DIS3L: variants seen among roughly 807,000 people sequenced by gnomAD.
DIS3L encodes the protein DIS3 like exosome 3'-5' exoribonuclease.
Under a neutral mutation model 120.3 loss-of-function variants are expected in DIS3L, and 100 were observed. The observed-to-expected ratio is 0.83, with a 90% confidence interval of 0.71 to 0.98. DIS3L has a LOEUF of 0.98. Among genes scored for constraint, DIS3L ranks in the 50% least tolerant of loss-of-function variants. The pLI is 0.00. For missense variants in DIS3L, 1,196 were observed against 1,314.2 expected (o/e 0.91, Z 1.39); for synonymous variants, 426 against 470.6 (o/e 0.91, Z 1.23).
chr15:66,325,195 G>A (rs1410790121), intron 11 of DIS3L, among the ~76,000 whole-genome samples: 1 of 152,112 alleles, frequency 6.6e-6, no homozygotes, highest in African/African-American at 2.4e-5. Context: ...GGAGTTTGAG[G>A]CCAGCCTGGG....
chr15:66,321,009 A>C (rs1372534181), intron 9 of DIS3L, among the ~76,000 whole-genome samples: 1 of 152,192 alleles, frequency 6.6e-6, no homozygotes, highest in Non-Finnish European at 1.5e-5. Flanking sequence ...GTCAGTATAC[A>C]TCCATCCCCA....
At chr15:66,332,166 G>A (rs1683025840) in intron 15 of DIS3L, 146 bp downstream of exon 15, 2 of 897,482 alleles carry the variant, frequency 2.2e-6, no homozygotes, top group Admixed American at 3.7e-5. Context: ...GTATATAAAT[G>A]TGAAGATTGG....
Position 66,295,065 on chromosome 15 carries a change from C to T in DIS3L, c.217C>T (p.Leu73Phe), listed in dbSNP as rs1566931157. 1 of 1,614,124 alleles carries T rather than the reference C, an allele frequency of 6.2e-7. No homozygotes were observed. The highest frequency in any genetic ancestry group is 8.5e-7 in the Non-Finnish European group (1 of 1,180,006). The stretch of plus-strand genomic sequence containing the variant: ...AGTTGTTCAAGATTATCTTGAGATC[C>T]TTGAGTTTCCTGAGTTGAAGGGAAT... ...WKVVQDYLEI[L>F]EFPELKGIIF... is the part of the protein sequence containing the mutation. The change falls in exon 2 of 17, where the codon CTT (leucine) becomes TTT (phenylalanine). Residue 73 changes from leucine (L) to phenylalanine (F), a missense_variant. Leu to Phe is a conservative substitution (Grantham distance 22). Coordinates refer to ENST00000319212, the MANE Select transcript of DIS3L (RefSeq NM_001143688.3).
chr15:66,320,848 C>G (rs932317203), intron 9 of DIS3L, 116 bp downstream of exon 9: 4 of 1,258,734 alleles, frequency 3.2e-6, no homozygotes, highest in Non-Finnish European at 4.3e-6. Context: ...TGTGAAGGCA[C>G]AGATAATGGA....
At chr15:66,304,903 A>C (rs1240415499) in intron 2 of DIS3L, among the ~76,000 whole-genome samples, 1 of 141,726 alleles carries the variant, frequency 7.1e-6, no homozygotes, top group East Asian at 2.2e-4. Flanking sequence ...TCCGTCTCAA[A>C]AAAAAAAAAA....
Position 66,306,883 on chromosome 15 carries a change from C to T in DIS3L, c.353C>T (p.Ala118Val), listed in dbSNP as rs2092707831. The change falls in exon 3 of 17, where the codon GCT becomes GTT. Residue 118 changes from alanine to valine, a missense_variant. Coordinates refer to ENST00000319212, the MANE Select transcript of DIS3L (RefSeq NM_001143688.3). ...GCGCGTCATGATTGCATTCTCTTTG[C>T]TAATGAATTCCAGCAATGCTGCTAT... ...KDARHDCILF[A>V]NEFQQCCYLP... 1 of 1,614,060 alleles carries T rather than the reference C, an allele frequency of 6.2e-7. No homozygotes were observed. The highest frequency in any genetic ancestry group is 1.7e-5 in the Admixed American group (1 of 59,990).
At chr15:66,294,702 G>C (rs1183223930) in intron 1 of DIS3L, among the ~76,000 whole-genome samples, 2 of 152,166 alleles carry the variant, frequency 1.3e-5, no homozygotes, top group Non-Finnish European at 2.9e-5. Context: ...GAAATATTCA[G>C]GTTATGCTGA....
chr15:66,332,255 G>A (rs1051954506), intron 15 of DIS3L, among the ~76,000 whole-genome samples: 5 of 152,044 alleles, frequency 3.3e-5, no homozygotes, highest in South Asian at 2.1e-4. Flanking sequence ...TCAGGAGTTC[G>A]AGACCAGCCT....
chr15:66,295,050 G>A lies in DIS3L; in HGVS notation c.202G>A (p.Asp68Asn), dbSNP rs2092570976. The change falls in exon 2 of 17, where the codon GAT becomes AAT. Residue 68 changes from aspartate (D) to asparagine (N), a missense_variant. Asp to Asn is a conservative substitution (Grantham distance 23). Transcript: ENST00000319212. Reference protein sequence around the residue: ...YVIPDWKVVQDYLEILEFPEL... With the variant: ...YVIPDWKVVQNYLEILEFPEL... ...GATCCCAGACTGGAAAGTTGTTCAA[G>A]ATTATCTTGAGATCCTTGAGTTTCC... 6.8e-6 allele frequency: 11 copies of A among 1,614,152 alleles called. No individual in the cohort carries two copies. The highest frequency in any genetic ancestry group is 1.3e-5 in the African/African-American group (1 of 75,038).
intron 8 of DIS3L, 70 bp downstream of exon 8, chr15:66,318,688 A>G: frequency 1.4e-6 from 2 of 1,472,924 alleles, no homozygotes; most frequent in East Asian, 4.6e-5. Flanking sequence ...GCTTTTTAGC[A>G]GTACCAGAAA....
intron 2 of DIS3L, among the ~76,000 whole-genome samples, chr15:66,295,836 T>C (rs1453951000): frequency 6.6e-6 from 1 of 152,240 alleles, no homozygotes; most frequent in African/African-American, 2.4e-5. Flanking sequence ...ATATTAGAAT[T>C]ATACGTCCAA....
At chr15:66,308,266 C>A (rs993496499) in intron 3 of DIS3L, among the ~76,000 whole-genome samples, 50 of 152,326 alleles carry the variant, frequency 3.3e-4, no homozygotes, top group African/African-American at 1.1e-3. Flanking sequence ...GATTTCCAGG[C>A]ATTCCATATG....
At chr15:66,294,946 G>C (rs1204175077) in intron 1 of DIS3L, 42 bp from the exon 2 acceptor site, 2 of 1,545,056 alleles carry the variant, frequency 1.3e-6, no homozygotes, top group East Asian at 2.4e-5. Flanking sequence ...AACCAGGTTT[G>C]AAAACATTGT....
At chr15:66,306,034 G>C (rs1207081605) in intron 2 of DIS3L, among the ~76,000 whole-genome samples, 1 of 152,074 alleles carries the variant, frequency 6.6e-6, no homozygotes, top group African/African-American at 2.4e-5. Flanking sequence ...GTGTAACCTA[G>C]GCTGGAATGT....
At position 66,331,871 on chromosome 15, in the gene DIS3L, A is replaced by C. The variant is rs780120805; in HGVS notation, c.2536-4A>C. 3 of 1,573,586 alleles carry C rather than the reference A, an allele frequency of 1.9e-6. No individual in the cohort carries two copies. Among genetic ancestry groups the C allele is most frequent in the Non-Finnish European group, 2.6e-6 (3 of 1,160,996 alleles). Reference sequence around the variant, plus strand: ...AAAATGCTTTGGAGTTGTGCTTCTTACAGGCAGCACAGCATTCTCAGAAGC... The same window carrying C: ...AAAATGCTTTGGAGTTGTGCTTCTTCCAGGCAGCACAGCATTCTCAGAAGC... On this transcript the variant is annotated splice_polypyrimidine_tract_variant and splice_region_variant and intron_variant, in intron 14 of 16. Coordinates refer to ENST00000319212, the MANE Select transcript of DIS3L (RefSeq NM_001143688.3).
chr15:66,327,560 A>T (rs959870574), intron 12 of DIS3L, among the ~76,000 whole-genome samples: 11 of 151,730 alleles, frequency 7.2e-5, no homozygotes, highest in Admixed American at 4.6e-4. Context: ...GATCGAGACC[A>T]TTCTGGCTAA....
At position 66,329,242 on chromosome 15, in the gene DIS3L, C is replaced by A; in HGVS notation, c.2378C>A (p.Thr793Asn). ...HHYGLALDKY[T>N]HFTSPIRRYS... Reference sequence around the variant, plus strand: ...GAAGGTCTTGCATTAGATAAATATACCCACTTTACTTCTCCAATAAGAAGA... The same window carrying A: ...GAAGGTCTTGCATTAGATAAATATAACCACTTTACTTCTCCAATAAGAAGA... Residue 793 changes from threonine (T) to asparagine (N), a missense_variant, in exon 14 of 17, where the codon ACC (threonine) becomes AAC (asparagine). By Grantham distance (65) the Thr-to-Asn change is moderately conservative (BLOSUM62 0). Transcript: ENST00000319212. 6.2e-7 allele frequency: 1 copy of A among 1,604,534 alleles called. No homozygotes were observed. The highest frequency in any genetic ancestry group is 8.5e-7 in the Non-Finnish European group (1 of 1,175,882).
Position 66,333,386 on chromosome 15 carries a change from GTC to G in DIS3L, c.*75_*76del, listed in dbSNP as rs2093023991. On this transcript the variant is annotated 3_prime_UTR_variant, in exon 17 of 17. Coordinates refer to ENST00000319212, the MANE Select transcript of DIS3L (RefSeq NM_001143688.3). ...TTTTCAAACTTAACATTTAATGTGT[GTC>G]ACTCAGTGCTCTAGTCGATCAGGAC... The G allele has an allele frequency of 7.0e-7, 1 of 1,435,324 alleles. No individual in the cohort carries two copies. Among genetic ancestry groups the G allele is most frequent in the African/African-American group, 1.4e-5 (1 of 69,926 alleles). 88.9% of individuals were successfully genotyped at this position (1,435,324 alleles called of 1,614,324 possible). A position where few individuals can be genotyped will look rare whatever the true frequency, so the allele number is the denominator to read the frequency against.
chr15:66,301,855 G>T (rs920687023), intron 2 of DIS3L, among the ~76,000 whole-genome samples: 8 of 151,838 alleles, frequency 5.3e-5, no homozygotes, highest in Non-Finnish European at 8.8e-5. Flanking sequence ...TTCTTTTGCC[G>T]TTTGTTCATT....
Sources: gnomAD v4.1 joint callset for allele counts (sites outside exome capture counted in the v4.1 genomes callset) on GRCh38, gnomAD v4.1.1 for gene constraint, MANE v1.5 for transcripts, NCBI Gene and HGNC (gene_info 2026-07-23, HGNC 2026-07-21) for gene names.